Variants in TRPM7 observed in about 807,000 individuals in gnomAD.
The protein encoded by TRPM7 is transient receptor potential cation channel subfamily M member 7.
In TRPM7, 134 loss-of-function variants were observed where a neutral mutation model predicts 229.7. The ratio of observed to expected loss-of-function variants is 0.58; its 90% CI spans 0.51 to 0.67. The LOEUF is 0.67. Among genes scored for constraint, TRPM7 ranks in the 30% least tolerant of loss-of-function variants. The pLI is 0.00. For missense variants in TRPM7, 1,901 were observed against 2,210.0 expected, an observed-to-expected ratio of 0.86 and a Z score of 2.80; for synonymous variants, 699 against 715.2, an observed-to-expected ratio of 0.98 and a Z score of 0.36.
Position 50,578,589 on chromosome 15 carries a change from T to A in TRPM7, c.4618+50A>T, listed in dbSNP as rs544872626. ...ATAATGTGGTGTTTGCTGTAACAGA[T>A]CATGTAAGATTCTCATTTTTTTCAC... is the stretch of plus-strand genomic sequence containing the variant. On this transcript the variant is annotated intron_variant, in intron 31 of 38. Coordinates refer to ENST00000646667, the MANE Select transcript of TRPM7 (RefSeq NM_017672.6). 305 of 1,566,076 alleles carry A rather than the reference T, an allele frequency of 1.9e-4. 2 individuals carry two copies. The highest frequency in any genetic ancestry group is 9.9e-4 in the East Asian group (44 of 44,536).
chr15:50,580,387 T>C (rs1470635974), intron 30 of TRPM7, among the ~76,000 whole-genome samples: 4 of 152,154 alleles, frequency 2.6e-5, no homozygotes, highest in Non-Finnish European at 4.4e-5. Flanking sequence ...ACTTTTGGTT[T>C]TGGATTACCA....
At chr15:50,582,365 C>T (rs1225202639) in intron 29 of TRPM7, 1 of 151,994 alleles carries the variant, frequency 6.6e-6, no homozygotes, top group East Asian at 1.9e-4. Flanking sequence ...TTATGTCCAT[C>T]ATCACTTTAA....
intron 11 of TRPM7, among the ~76,000 whole-genome samples, chr15:50,624,802 AC>A (rs1344075882): frequency 1.3e-5 from 2 of 152,170 alleles, no homozygotes; most frequent in Non-Finnish European, 2.9e-5. Context: ...TGACTGAAAA[AC>A]CAGTAATTCT....
intron 1 of TRPM7, among the ~76,000 whole-genome samples, chr15:50,676,128 C>T (rs977987498): frequency 6.6e-6 from 1 of 152,154 alleles, no homozygotes; most frequent in African/African-American, 2.4e-5. Flanking sequence ...TAAATTCTTA[C>T]ACCAGTCTAC....
intron 3 of TRPM7, among the ~76,000 whole-genome samples, chr15:50,650,192 CAAAAAAAAAAAAAAAAAAA>C (rs59579538): frequency 1.6e-5 from 1 of 62,302 alleles, no homozygotes; most frequent in Non-Finnish European, 2.7e-5. Flanking sequence ...GACTTTGTCT[CAAAAAAAAAAAAAAAAAAA>C]AAAAAAAAAA....
chr15:50,572,715 C>A (rs906294589), intron 36 of TRPM7, among the ~76,000 whole-genome samples: 2 of 152,188 alleles, frequency 1.3e-5, no homozygotes, highest in African/African-American at 4.8e-5. Context: ...CCACCATAAT[C>A]ATTTTTATAA....
At chr15:50,654,842 C>A (rs546369993) in intron 3 of TRPM7, among the ~76,000 whole-genome samples, 39 of 135,314 alleles carry the variant, frequency 2.9e-4, no homozygotes, top group East Asian at 9.1e-4. Flanking sequence ...CTAAAAAAAA[C>A]CACAAAAAAC....
rs376019503 is a variant in TRPM7 at position 50,611,197 on chromosome 15, C to T, written c.2176G>A (p.Val726Ile). ...ACAAAAGGTCTAAGTCTTGAAGAAA[C>T]TGCTAACTTAAGGCAGGTTGAATTA... ...WSNSTCLKLA[V>I]SSRLRPFVAH... Residue 726 changes from valine to isoleucine, a missense_variant, in exon 17 of 39, where the codon GTT (valine) becomes ATT (isoleucine). Val to Ile is a conservative substitution (Grantham distance 29, BLOSUM62 3). Coordinates refer to ENST00000646667, the MANE Select transcript of TRPM7 (RefSeq NM_017672.6). 10 of 1,613,866 alleles carry T rather than the reference C, an allele frequency of 6.2e-6. No individual in the cohort carries two copies. Among genetic ancestry groups the T allele is most frequent in the Non-Finnish European group, 7.6e-6 (9 of 1,179,950 alleles).
At position 50,634,551 on chromosome 15, in the gene TRPM7, C is replaced by T; in HGVS notation, c.838G>A (p.Gly280Ser). The T allele has an allele frequency of 7.0e-7, 1 of 1,426,140 alleles. No individual in the cohort carries two copies. Among genetic ancestry groups the T allele is most frequent in the East Asian group, 2.7e-5 (1 of 36,884 alleles). The allele number at this position is 1,426,140 out of a possible 1,614,324, so 88.3% of individuals were successfully genotyped here. A position where few individuals can be genotyped will look rare whatever the true frequency, so the allele number is the denominator to read the frequency against. ...INQQRIHARI[G>S]QGVPVVALIF... The stretch of plus-strand genomic sequence containing the variant: ...AGTGCCACCACAGGGACACCCTGGC[C>T]AATCCCTAAAAAGAGCAAAGTTAAA... The change falls in exon 8 of 39, where the codon GGC becomes AGC. Residue 280 changes from glycine (G) to serine (S), a missense_variant. Physicochemically the swap from Gly to Ser is moderately conservative, Grantham distance 56. This residue lies in a region of TRPM7 where 794 missense variants were observed against 881.9 expected (regional missense o/e 0.90). Coordinates refer to ENST00000646667, the MANE Select transcript of TRPM7 (RefSeq NM_017672.6).
At chr15:50,677,466 C>T (rs981291175) in intron 1 of TRPM7, among the ~76,000 whole-genome samples, 3 of 152,036 alleles carry the variant, frequency 2.0e-5, no homozygotes, top group African/African-American at 7.2e-5. Context: ...AGAGGCTGGG[C>T]GTGGTGGCTC....
At position 50,589,690 on chromosome 15, in the gene TRPM7, T is replaced by C. The variant is rs758441387; in HGVS notation, c.4325-34A>G. 3 of 1,463,518 alleles carry C rather than the reference T, an allele frequency of 2.0e-6. No individual in the cohort carries two copies. In the East Asian group the frequency reaches 6.9e-5, roughly 33 times the overall value. 90.7% of individuals were successfully genotyped at this position (1,463,518 alleles called of 1,614,324 possible). A position where few individuals can be genotyped will look rare whatever the true frequency, so the allele number is the denominator to read the frequency against. ...GAAAAAAAGATGTTGCAATGAGAAA[T>C]TTTTATTTTTCTTCACCGAAATAAT... On this transcript the variant is annotated intron_variant, in intron 26 of 38. Coordinates refer to ENST00000646667, the MANE Select transcript of TRPM7 (RefSeq NM_017672.6).
At chr15:50,647,926 T>A (rs1015126426) in intron 4 of TRPM7, among the ~76,000 whole-genome samples, 1 of 152,232 alleles carries the variant, frequency 6.6e-6, no homozygotes, top group African/African-American at 2.4e-5. Flanking sequence ...ACTATTTACA[T>A]TGTATTGGGC....
At chr15:50,628,951 G>A (rs2060645851) in intron 10 of TRPM7, among the ~76,000 whole-genome samples, 1 of 152,116 alleles carries the variant, frequency 6.6e-6, no homozygotes, top group Non-Finnish European at 1.5e-5. Context: ...CTTGCTTTAT[G>A]TACCTTGATA....
At chr15:50,612,397 AAAAT>A in intron 16 of TRPM7, 148 bp downstream of exon 16, 1 of 516,914 alleles carries the variant, frequency 1.9e-6, no homozygotes, top group Non-Finnish European at 3.0e-6. Context: ...TTTAATTAAA[AAAAT>A]ATATACTTAT....
At position 50,574,660 on chromosome 15, in the gene TRPM7, G is replaced by C. The variant is rs780261217; in HGVS notation, c.5079C>G (p.Pro1693=). The change falls in exon 35 of 39, where the codon CCC becomes CCG. Residue 1693 remains proline, a synonymous_variant. Coordinates refer to ENST00000646667, the MANE Select transcript of TRPM7 (RefSeq NM_017672.6). ...ACCTTGGAGAATATGGTATGGATTTGGGTTTCATTTGATTAAAGGCAAACG... is the reference window on the plus strand; with the variant it reads ...ACCTTGGAGAATATGGTATGGATTTCGGTTTCATTTGATTAAAGGCAAACG... ...KLTFAFNQMK[P]KSIPYSPRFL... 7 of 1,613,426 alleles carry C rather than the reference G, an allele frequency of 4.3e-6. No homozygotes were observed. Among genetic ancestry groups the C allele is most frequent in the Admixed American group, 1.7e-5 (1 of 59,934 alleles).
At chr15:50,630,571 T>C (rs188473762) in intron 10 of TRPM7, among the ~76,000 whole-genome samples, 60 of 152,252 alleles carry the variant, frequency 3.9e-4, no homozygotes, top group Non-Finnish European at 7.2e-4. Context: ...GTTTTCAAAT[T>C]TTCCCTTCAT....
intron 2 of TRPM7, 94 bp from the exon 3 acceptor site, chr15:50,657,913 TTA>T: frequency 1.1e-6 from 1 of 889,120 alleles, no homozygotes; most frequent in Non-Finnish European, 1.7e-6. Context: ...ACAAAAAAAA[TTA>T]TATACCTAGT....
At position 50,570,156 on chromosome 15, in the gene TRPM7, C is replaced by A. The variant is rs749603151; in HGVS notation, c.5309-1G>T. ...GGGTCAGTCAAATTTTCACCAACAC[C>A]TTTATATGTGTATATAAAAAAGACA... On this transcript the variant is annotated splice_acceptor_variant, in intron 36 of 38. Coordinates refer to ENST00000646667, the MANE Select transcript of TRPM7 (RefSeq NM_017672.6). LOFTEE classifies it high-confidence loss of function. 1 of 1,595,078 alleles carries A rather than the reference C, an allele frequency of 6.3e-7. No homozygotes were observed. The highest frequency in any genetic ancestry group is 1.3e-5 in the African/African-American group (1 of 74,224).
intron 1 of TRPM7, among the ~76,000 whole-genome samples, chr15:50,666,774 C>A (rs1274961118): frequency 6.6e-6 from 1 of 151,994 alleles, no homozygotes; most frequent in Non-Finnish European, 1.5e-5. Context: ...TGCACTCCAG[C>A]CTGGGCAACA....
Sources: gnomAD v4.1 joint callset for allele counts (sites outside exome capture counted in the v4.1 genomes callset) on GRCh38, gnomAD v4.1.1 for gene constraint, gnomAD v4.1.1 regional missense constraint, MANE v1.5 for transcripts, NCBI Gene and HGNC (gene_info 2026-07-23, HGNC 2026-07-21) for gene names.